WASL: variants seen among roughly 807,000 people sequenced by gnomAD.
WASL encodes the protein WASP like actin nucleation promoting factor.
A neutral mutation model predicts 55.5 loss-of-function variants in WASL; 20 were observed. The ratio of observed to expected loss-of-function variants is 0.36; its 90% CI spans 0.25 to 0.52. WASL has a LOEUF of 0.52. Ranked by LOEUF, WASL falls within the 20% of genes least tolerant of loss-of-function variation. The probability of loss-of-function intolerance (pLI) is 0.92; values close to 1 mark genes in which losing one functional copy is unlikely to be tolerated. For synonymous variants in WASL, 249 were observed against 217.6 expected (o/e 1.14, Z -1.27); for missense variants, 504 against 622.5 (o/e 0.81, Z 2.03).
At chr7:123,705,205 T>C (rs758574373) in intron 4 of WASL, among the ~76,000 whole-genome samples, 12 of 151,970 alleles carry the variant, frequency 7.9e-5, no homozygotes, top group Non-Finnish European at 1.5e-4. Flanking sequence ...TGGTAAGAAA[T>C]AGTCAGACAG....
Position 123,720,745 on chromosome 7 carries a change from G to A in WASL, c.118-11522C>T, listed in dbSNP as rs548702312. On this transcript the variant is annotated intron_variant, in intron 1 of 10. Transcript: ENST00000223023. ...GGCTCACTGCAAGCTCCGCCTCCTGGGTTCATGCCATTCTCCTGCCTCAGC... is the reference window on the plus strand; with the variant it reads ...GGCTCACTGCAAGCTCCGCCTCCTGAGTTCATGCCATTCTCCTGCCTCAGC... 3.3e-5 allele frequency among the ~76,000 whole-genome samples: 5 copies of A among 151,264 alleles called. No individual in the cohort carries two copies. In the South Asian group the frequency reaches 1.0e-3, roughly 32 times the overall value.
rs148612519 is a variant in WASL at position 123,747,090 on chromosome 7, C to T, written c.117+1528G>A. On this transcript the variant is annotated intron_variant, in intron 1 of 10. Coordinates refer to ENST00000223023, the MANE Select transcript of WASL (RefSeq NM_003941.4). ...GGCAAAGTGGTTATTTCTTTAACAC[C>T]ACTTTTAGAAATAAATCAGTAACAG... Among the ~76,000 whole-genome samples, 21 of 152,046 alleles carry T rather than the reference C, an allele frequency of 1.4e-4. No individual in the cohort carries two copies. In the East Asian group the frequency reaches 4.1e-3, roughly 29 times the overall value.
At chr7:123,691,030 A>T (rs1016444092) in intron 9 of WASL, among the ~76,000 whole-genome samples, 42 of 152,298 alleles carry the variant, frequency 2.8e-4, no homozygotes, top group African/African-American at 9.4e-4. Context: ...CATCCTGAAT[A>T]CATGTAAAGA....
At chr7:123,747,630 T>C (rs1409767611) in intron 1 of WASL, among the ~76,000 whole-genome samples, 1 of 152,184 alleles carries the variant, frequency 6.6e-6, no homozygotes, top group Non-Finnish European at 1.5e-5. Context: ...CAGTGGCACA[T>C]ACTCTGCAGG....
chr7:123,711,569 T>C (rs1205178783), intron 1 of WASL, among the ~76,000 whole-genome samples: 2 of 152,184 alleles, frequency 1.3e-5, no homozygotes, highest in African/African-American at 4.8e-5. Context: ...TGTAAAGCCT[T>C]TTCTAATTCA....
chr7:123,685,035 A>C (rs1037383794), intron 10 of WASL, among the ~76,000 whole-genome samples: 1 of 151,818 alleles, frequency 6.6e-6, no homozygotes, highest in Non-Finnish European at 1.5e-5. Context: ...AAAAACCTAG[A>C]AATTATTATT....
intron 1 of WASL, among the ~76,000 whole-genome samples, chr7:123,737,470 C>A (rs1168434093): frequency 6.6e-6 from 1 of 151,822 alleles, no homozygotes; most frequent in Non-Finnish European, 1.5e-5. Context: ...GTGGTGCATG[C>A]CTGTAGTTCC....
chr7:123,736,006 G>A lies in WASL; in HGVS notation c.117+12612C>T, dbSNP rs186873847. Among the ~76,000 whole-genome samples, 79 of 151,644 alleles carry A rather than the reference G, an allele frequency of 5.2e-4. No homozygotes were observed. In the East Asian group the frequency reaches 5.8e-3, roughly 11 times the overall value. ...GATCCCTTCAAACTAGTAATAAAGC[G>A]AAAAATCAGAAAAGCAGTCAGAGAA... On this transcript the variant is annotated intron_variant, in intron 1 of 10. Coordinates refer to ENST00000223023, the MANE Select transcript of WASL (RefSeq NM_003941.4).
chr7:123,728,708 C>A lies in WASL; in HGVS notation c.118-19485G>T, dbSNP rs1393989125. ...TACAAAAAAATATGGTAGTGGTGAG[C>A]ACCTGTAATCCCAGCTACTTGGGAG... On this transcript the variant is annotated intron_variant, in intron 1 of 10. Coordinates refer to ENST00000223023, the MANE Select transcript of WASL (RefSeq NM_003941.4). Among the ~76,000 whole-genome samples, 4 of 152,174 alleles carry A rather than the reference C, an allele frequency of 2.6e-5. No homozygotes were observed. The East Asian group carries it at 7.8e-4, about 29-fold the overall frequency.
chr7:123,709,913 A>G (rs376219254), intron 1 of WASL, among the ~76,000 whole-genome samples: 231 of 152,278 alleles, frequency 1.5e-3, no homozygotes, highest in African/African-American at 5.2e-3. Flanking sequence ...GATTTGAGTG[A>G]CTATTGTCTC....
Position 123,683,375 on chromosome 7 carries a change from A to G in WASL, c.*1144T>C, listed in dbSNP as rs189508744. ...GTGCAGGTTGTAAAGTTTTATCTTT[A>G]AAAAAAAAAAATCTATCATTCAGTT... On this transcript the variant is annotated 3_prime_UTR_variant, in exon 11 of 11. Coordinates refer to ENST00000223023, the MANE Select transcript of WASL (RefSeq NM_003941.4). The G allele has an allele frequency of 4.8e-5, 7 of 147,258 alleles. No individual in the cohort carries two copies. Among genetic ancestry groups the G allele is most frequent in the Admixed American group, 4.1e-4 (6 of 14,710 alleles). 9.1% of individuals were successfully genotyped at this position (147,258 alleles called of 1,614,324 possible). A position where few individuals can be genotyped will look rare whatever the true frequency, so the allele number is the denominator to read the frequency against.
intron 1 of WASL, among the ~76,000 whole-genome samples, chr7:123,715,045 C>A (rs964104692): frequency 6.6e-6 from 1 of 152,234 alleles, no homozygotes; most frequent in Middle Eastern, 3.4e-3. Context: ...TAAAGTAATA[C>A]AAAACACAGC....
chr7:123,721,969 C>A (rs1256799849), intron 1 of WASL, among the ~76,000 whole-genome samples: 1 of 151,994 alleles, frequency 6.6e-6, no homozygotes, highest in Admixed American at 6.6e-5. Flanking sequence ...CTGTTACTGT[C>A]CTCTCTAGGT....
rs566824970 is a variant in WASL at position 123,690,612 on chromosome 7, T to G, written c.1348-1462A>C. ...ACATCAATTAACAGGTTTTGCTGCT[T>G]CTTTTTTTTTTTTTGGAAAGAAAGG... On this transcript the variant is annotated intron_variant, in intron 9 of 10. Transcript: ENST00000223023. Among the ~76,000 whole-genome samples, 201 of 49,246 alleles carry G rather than the reference T, an allele frequency of 4.1e-3. 7 individuals are homozygous for G. The South Asian group carries it at 0.16, about 40-fold the overall frequency. 32.3% of individuals were successfully genotyped at this position (49,246 alleles called of 152,430 possible). A position where few individuals can be genotyped will look rare whatever the true frequency, so the allele number is the denominator to read the frequency against.
intron 4 of WASL, 83 bp downstream of exon 4, chr7:123,706,194 T>C: frequency 3.0e-6 from 4 of 1,317,292 alleles, no homozygotes; most frequent in Non-Finnish European, 4.2e-6. Context: ...TAAACTTTTA[T>C]TTACAAAAAA....
At chr7:123,741,841 C>T (rs549884160) in intron 1 of WASL, among the ~76,000 whole-genome samples, 1 of 152,182 alleles carries the variant, frequency 6.6e-6, no homozygotes, top group African/African-American at 2.4e-5. Context: ...AAATAGAACC[C>T]GGCTCCTCTG....
chr7:123,703,755 CTGTATTA>C (rs1242658263), intron 5 of WASL, among the ~76,000 whole-genome samples: 3 of 152,154 alleles, frequency 2.0e-5, no homozygotes, highest in African/African-American at 2.4e-5. Context: ...ATTAAGAACT[CTGTATTA>C]TGTAAGTTTT....
chr7:123,689,435 G>A (rs1228502083), intron 9 of WASL, among the ~76,000 whole-genome samples: 3 of 152,086 alleles, frequency 2.0e-5, no homozygotes, highest in African/African-American at 7.2e-5. Flanking sequence ...AATACTTGCT[G>A]GGTTACTTCT....
intron 2 of WASL, among the ~76,000 whole-genome samples, 184 bp downstream of exon 2, chr7:123,708,905 C>T (rs1374777679): frequency 6.6e-6 from 1 of 151,724 alleles, no homozygotes; most frequent in African/African-American, 2.4e-5. Context: ...ATTCTGGCTT[C>T]AGACATGTTC....
Sources: gnomAD v4.1 joint callset for allele counts (sites outside exome capture counted in the v4.1 genomes callset) on GRCh38, gnomAD v4.1.1 for gene constraint, MANE v1.5 for transcripts, NCBI Gene and HGNC (gene_info 2026-07-23, HGNC 2026-07-21) for gene names.